Variants in ARSJ observed in about 807,000 individuals in gnomAD.
The protein encoded by ARSJ is arylsulfatase family member J, also known as arylsulfatase J.
In ARSJ, 26 loss-of-function variants were observed where a neutral mutation model predicts 35.9. The observed-to-expected ratio is 0.72, with a 90% CI of 0.53 to 1.00. The LOEUF (loss-of-function observed/expected upper bound fraction) is 1.00, where lower values mean the gene tolerates loss of function less well. ARSJ is among the 50% of genes least tolerant of loss of function. The pLI, the probability that ARSJ is intolerant of heterozygous loss-of-function variation, is 0.00. For missense variants in ARSJ, 667 were observed against 723.6 expected (o/e 0.92, Z 0.90); for synonymous variants, 294 against 267.6 (o/e 1.10, Z -0.96).
At chr4:113,912,444 G>A (rs1185423641) in intron 1 of ARSJ, among the ~76,000 whole-genome samples, 1 of 152,036 alleles carries the variant, frequency 6.6e-6, no homozygotes, top group South Asian at 2.1e-4. Context: ...ATTGAGACAT[G>A]AATGGAAAGT....
chr4:113,933,651 G>A (rs887835443), intron 1 of ARSJ, among the ~76,000 whole-genome samples: 26 of 151,736 alleles, frequency 1.7e-4, no homozygotes, highest in Non-Finnish European at 7.4e-5. Flanking sequence ...AATTTTAATA[G>A]ATGCCGAAAA....
In ARSJ at chr4:113,948,546, G is replaced by A. The variant is rs1385207151; in HGVS notation, c.398+29891C>T. 4.0e-5 allele frequency among the ~76,000 whole-genome samples: 6 copies of A among 150,342 alleles called. No individual in the cohort carries two copies. In the East Asian group the frequency reaches 1.2e-3, roughly 30 times the overall value. ...AACCACTTATCCTTTATTATGCTAC[G>A]ATAATAGTTGCAAGCGTACTATATT... On this transcript the variant is annotated intron_variant, in intron 1 of 1. Coordinates refer to ENST00000315366, the MANE Select transcript of ARSJ (RefSeq NM_024590.4).
intron 1 of ARSJ, among the ~76,000 whole-genome samples, chr4:113,907,118 A>G (rs762346048): frequency 1.3e-5 from 2 of 152,222 alleles, no homozygotes; most frequent in Non-Finnish European, 2.9e-5. Context: ...AGTTAATATC[A>G]GTACTTTTTG....
chr4:113,928,201 T>C (rs113516131), intron 1 of ARSJ, among the ~76,000 whole-genome samples: 8,656 of 152,236 alleles, frequency 0.057, 331 homozygotes, highest in East Asian at 0.11. Context: ...TCCAGTAGTC[T>C]CAGAAATGTC....
intron 1 of ARSJ, among the ~76,000 whole-genome samples, chr4:113,907,876 G>T (rs906910746): frequency 1.3e-5 from 2 of 152,150 alleles, no homozygotes; most frequent in African/African-American, 4.8e-5. Flanking sequence ...TTATAAGTGA[G>T]TGCTAAACTT....
chr4:113,907,891 T>G (rs2099669245), intron 1 of ARSJ, among the ~76,000 whole-genome samples: 1 of 152,070 alleles, frequency 6.6e-6, no homozygotes, highest in Admixed American at 6.5e-5. Context: ...AAACTTTGAT[T>G]GCACATGAAC....
chr4:113,903,714 A>G (rs1446331320), intron 1 of ARSJ, 39 bp from the exon 2 acceptor site: 2 of 1,540,042 alleles, frequency 1.3e-6, no homozygotes, highest in Middle Eastern at 1.8e-4. Context: ...AGGGCAGGAT[A>G]AAAGAGATAT....
intron 1 of ARSJ, among the ~76,000 whole-genome samples, chr4:113,975,035 T>C (rs1727506328): frequency 6.6e-6 from 1 of 152,122 alleles, no homozygotes; most frequent in Non-Finnish European, 1.5e-5. Flanking sequence ...ACAAACATAA[T>C]GCTAAAAGAA....
chr4:113,920,680 C>G (rs1327773703), intron 1 of ARSJ, among the ~76,000 whole-genome samples: 1 of 152,094 alleles, frequency 6.6e-6, no homozygotes, highest in African/African-American at 2.4e-5. Context: ...TGGAGGCTGA[C>G]AGAAGTGTGG....
chr4:113,975,425 C>G (rs1159293681), intron 1 of ARSJ, among the ~76,000 whole-genome samples: 2 of 152,134 alleles, frequency 1.3e-5, no homozygotes, highest in African/African-American at 4.8e-5. Context: ...GAAGCCTTCA[C>G]TATATTCTCT....
chr4:113,936,098 A>C (rs1724750257), intron 1 of ARSJ, among the ~76,000 whole-genome samples: 1 of 151,962 alleles, frequency 6.6e-6, no homozygotes, highest in African/African-American at 2.4e-5. Flanking sequence ...GTCAGGCTCC[A>C]TGCAGGCAGG....
At chr4:113,953,570 A>G (rs1356124816) in intron 1 of ARSJ, among the ~76,000 whole-genome samples, 1 of 152,088 alleles carries the variant, frequency 6.6e-6, no homozygotes, top group Admixed American at 6.6e-5. Context: ...TGAATTTCCA[A>G]TAGGATTTGA....
At chr4:113,939,505 G>A (rs1725003312) in intron 1 of ARSJ, among the ~76,000 whole-genome samples, 1 of 152,166 alleles carries the variant, frequency 6.6e-6, no homozygotes, top group Non-Finnish European at 1.5e-5. Context: ...CACAAGGGTT[G>A]AACTAGTTTA....
rs544001829 is a variant in ARSJ, at chr4:113,938,042, A to C, written c.399-34367T>G. On this transcript the variant is annotated intron_variant, in intron 1 of 1. Transcript: ENST00000315366. ...AGAGAATTAGAAAAAAACTACTTTA[A>C]AATTCATATGGAACCAAAAAAGAGC... 2.0e-5 allele frequency among the ~76,000 whole-genome samples: 3 copies of C among 152,234 alleles called. No individual in the cohort carries two copies. In the East Asian group the frequency reaches 5.8e-4, roughly 29 times the overall value.
chr4:113,921,883 G>T (rs1723702434), intron 1 of ARSJ, among the ~76,000 whole-genome samples: 1 of 152,136 alleles, frequency 6.6e-6, no homozygotes, highest in Non-Finnish European at 1.5e-5. Context: ...GAAAACTTCA[G>T]GTGGACAGTG....
chr4:113,978,236 T>C (rs1415294024), intron 1 of ARSJ, among the ~76,000 whole-genome samples: 1 of 152,224 alleles, frequency 6.6e-6, no homozygotes. Flanking sequence ...AAAACTAGAC[T>C]ACACTAGTGA....
intron 1 of ARSJ, among the ~76,000 whole-genome samples, chr4:113,940,521 C>G (rs965547587): frequency 1.3e-5 from 2 of 151,044 alleles, no homozygotes; most frequent in Admixed American, 6.6e-5. Flanking sequence ...AGAGCAACAG[C>G]AAAAAATAGC....
intron 1 of ARSJ, among the ~76,000 whole-genome samples, chr4:113,950,738 C>G (rs1220839323): frequency 1.3e-5 from 2 of 152,052 alleles, no homozygotes; most frequent in African/African-American, 4.8e-5. Context: ...TGACTGTATT[C>G]TCTTTATTTT....
chr4:113,944,240 G>A (rs192013648), intron 1 of ARSJ: 30 of 152,170 alleles, frequency 2.0e-4, no homozygotes, highest in Admixed American at 1.8e-3. Context: ...ATGGATCTAT[G>A]TGTTTGGGCT....
Sources: allele counts gnomAD v4.1 joint callset (sites outside exome capture counted in the v4.1 genomes callset), GRCh38; gene constraint gnomAD v4.1.1; transcripts MANE v1.5; gene names NCBI Gene and HGNC (gene_info 2026-07-23, HGNC 2026-07-21).